The following ZDHHC14 variants were observed in gnomAD, a reference collection of about 807,000 sequenced individuals.
ZDHHC14 encodes the protein zDHHC palmitoyltransferase 14.
ZDHHC14 carries 16 observed loss-of-function variants against 47.7 expected under a neutral mutation model. The ratio of observed to expected loss-of-function variants is 0.34; its 90% CI spans 0.23 to 0.51. The LOEUF (loss-of-function observed/expected upper bound fraction) is 0.51. Among genes scored for constraint, ZDHHC14 ranks in the 20% least tolerant of loss-of-function variants. The pLI, the probability that ZDHHC14 is intolerant of heterozygous loss-of-function variation, is 0.97. For missense variants in ZDHHC14, 515 were observed against 662.5 expected (o/e 0.78, Z 2.44); for synonymous variants, 293 against 278.9 (o/e 1.05, Z -0.50).
chr6:157,476,098 T>C (rs572107037), intron 1 of ZDHHC14, among the ~76,000 whole-genome samples: 2 of 151,786 alleles, frequency 1.3e-5, no homozygotes, highest in South Asian at 4.2e-4. Context: ...AAAGAAATAA[T>C]AGAGATCACA....
intron 1 of ZDHHC14, among the ~76,000 whole-genome samples, chr6:157,525,022 A>G (rs980788140): frequency 1.1e-4 from 16 of 152,234 alleles, no homozygotes; most frequent in African/African-American, 3.9e-4. Flanking sequence ...GCTGCAATCA[A>G]GATATGGCTG....
chr6:157,557,542 T>C (rs1281950494), intron 2 of ZDHHC14, among the ~76,000 whole-genome samples: 1 of 152,172 alleles, frequency 6.6e-6, no homozygotes, highest in Non-Finnish European at 1.5e-5. Flanking sequence ...GTGTCCAGCA[T>C]GCGTTAGATG....
chr6:157,401,875 G>A (rs1583614302), intron 1 of ZDHHC14, among the ~76,000 whole-genome samples: 1 of 151,090 alleles, frequency 6.6e-6, no homozygotes, highest in African/African-American at 2.4e-5. Flanking sequence ...CACCTGCTGA[G>A]GTCTCAGCTG....
chr6:157,429,130 C>T (rs1028681626), intron 1 of ZDHHC14, among the ~76,000 whole-genome samples: 1 of 152,118 alleles, frequency 6.6e-6, no homozygotes, highest in African/African-American at 2.4e-5. Flanking sequence ...GAAAACATTT[C>T]TGGGGGACAG....
chr6:157,675,957 CA>C lies in ZDHHC14; in HGVS notation c.*2836del, dbSNP rs2077753472. 6.6e-6 allele frequency: 1 copy of C among 152,236 alleles called. No individual in the cohort carries two copies. Among genetic ancestry groups the C allele is most frequent in the South Asian group, 2.1e-4 (1 of 4,830 alleles). 9.4% of individuals were successfully genotyped at this position (152,236 alleles called of 1,614,324 possible). A position where few individuals can be genotyped will look rare whatever the true frequency, so the allele number is the denominator to read the frequency against. ...ACACTCATTCTGCTGTTTAAAAATT[CA>C]TCTGCGTTCGTTCTCCCAGGAGTGC... On this transcript the variant is annotated 3_prime_UTR_variant, in exon 9 of 9. Coordinates refer to ENST00000359775, the MANE Select transcript of ZDHHC14 (RefSeq NM_024630.3).
intron 3 of ZDHHC14, among the ~76,000 whole-genome samples, chr6:157,609,579 C>T (rs1784676939): frequency 6.6e-6 from 1 of 151,940 alleles, no homozygotes; most frequent in Non-Finnish European, 1.5e-5. Flanking sequence ...GTAGGTTGCT[C>T]GAGGGTCTTA....
At chr6:157,647,233 T>G in intron 6 of ZDHHC14, 26 bp from the exon 7 acceptor site, 1 of 1,563,134 alleles carries the variant, frequency 6.4e-7, no homozygotes, top group Non-Finnish European at 8.8e-7. Flanking sequence ...AGATATTGCT[T>G]GTTACTGACT....
intron 3 of ZDHHC14, among the ~76,000 whole-genome samples, chr6:157,596,308 C>T (rs1413718157): frequency 6.6e-6 from 1 of 152,044 alleles, no homozygotes; most frequent in Non-Finnish European, 1.5e-5. Flanking sequence ...ATTCTTTTTG[C>T]AGCAAGAGAA....
At chr6:157,434,420 G>A (rs17165326) in intron 1 of ZDHHC14, among the ~76,000 whole-genome samples, 2,222 of 152,000 alleles carry the variant, frequency 0.015, 50 homozygotes, top group African/African-American at 0.051. Context: ...CTCTGAGCCC[G>A]AACTGGACTG....
chr6:157,389,507 T>A (rs566143515), intron 1 of ZDHHC14, among the ~76,000 whole-genome samples: 1 of 152,342 alleles, frequency 6.6e-6, no homozygotes, highest in East Asian at 1.9e-4. Flanking sequence ...GTTGGGTGTA[T>A]CATCATGGTA....
chr6:157,456,928 C>G lies in ZDHHC14; in HGVS notation c.245+74662C>G, dbSNP rs1778932277. 2.0e-5 allele frequency among the ~76,000 whole-genome samples: 3 copies of G among 151,930 alleles called. No homozygotes were observed. The South Asian group carries it at 6.2e-4, about 32-fold the overall frequency. ...CTTCGGAAGGCCAAGGCGGGTGGAT[C>G]ACCTGATGTCAGGAGTTCGAGAGCA... On this transcript the variant is annotated intron_variant, in intron 1 of 8. Coordinates refer to ENST00000359775, the MANE Select transcript of ZDHHC14 (RefSeq NM_024630.3).
chr6:157,621,877 C>T (rs1425438982), intron 3 of ZDHHC14, among the ~76,000 whole-genome samples: 2 of 152,006 alleles, frequency 1.3e-5, no homozygotes, highest in African/African-American at 2.4e-5. Context: ...TGATCTCTTC[C>T]AGAAATTAAA....
chr6:157,451,244 A>G (rs1778796693), intron 1 of ZDHHC14, among the ~76,000 whole-genome samples: 1 of 152,232 alleles, frequency 6.6e-6, no homozygotes, highest in Non-Finnish European at 1.5e-5. Context: ...AATATCAGAA[A>G]TAATAACAAT....
At position 157,464,281 on chromosome 6, in the gene ZDHHC14, A is replaced by T. The variant is rs182924440; in HGVS notation, c.246-78304A>T. On this transcript the variant is annotated intron_variant, in intron 1 of 8. Transcript: ENST00000359775. ...TCCGTTTGCATGTATATTTTAATAC[A>T]CATACTTTGATAACCTTGTTCTTAA... Among the ~76,000 whole-genome samples the T allele has an allele frequency of 1.6e-4, 24 of 152,360 alleles. No individual in the cohort carries two copies. In the East Asian group the frequency reaches 4.4e-3, roughly 28 times the overall value.
At chr6:157,454,631 A>G (rs113667196) in intron 1 of ZDHHC14, among the ~76,000 whole-genome samples, 2,973 of 151,938 alleles carry the variant, frequency 0.02, 104 homozygotes, top group African/African-American at 0.068. Flanking sequence ...AGCCTCCCCA[A>G]GTGCTGGGAT....
chr6:157,558,374 C>G (rs572679891), intron 2 of ZDHHC14, among the ~76,000 whole-genome samples: 6 of 152,298 alleles, frequency 3.9e-5, no homozygotes, highest in Middle Eastern at 3.4e-3. Flanking sequence ...CTGCATTACA[C>G]AGGGAAACTG....
chr6:157,526,963 G>A lies in ZDHHC14; in HGVS notation c.246-15622G>A, dbSNP rs574229020. ...GTGGCCGGGAGCACTGAAGGACTTG[G>A]GGCAGCATCTTTAGCAGCTGGCCTC... On this transcript the variant is annotated intron_variant, in intron 1 of 8. Transcript: ENST00000359775. Among the ~76,000 whole-genome samples the A allele has an allele frequency of 3.7e-3, 558 of 152,278 alleles. 1 individual carries two copies. Among genetic ancestry groups the A allele is most frequent in the Non-Finnish European group, 6.0e-3 (408 of 68,010 alleles).
At chr6:157,612,617 T>C (rs34634657) in intron 3 of ZDHHC14, among the ~76,000 whole-genome samples, 95,559 of 152,006 alleles carry the variant, frequency 0.63, 30,505 homozygotes, top group South Asian at 0.78. Flanking sequence ...TGGGGATGTG[T>C]GGACTCGAGT....
In ZDHHC14 at chr6:157,421,582, A is replaced by T. The variant is rs191791827; in HGVS notation, c.245+39316A>T. On this transcript the variant is annotated intron_variant, in intron 1 of 8. Coordinates refer to ENST00000359775, the MANE Select transcript of ZDHHC14 (RefSeq NM_024630.3). ...CTTAATGGAAAAGCACTAAAAGAAT[A>T]GTAACAACTAACATTTGGATTGTGT... 8.7e-4 allele frequency among the ~76,000 whole-genome samples: 131 copies of T among 151,262 alleles called. No individual in the cohort carries two copies. In the Middle Eastern group the frequency reaches 0.028, roughly 32 times the overall value.
Sources: gnomAD v4.1 joint callset for allele counts (sites outside exome capture counted in the v4.1 genomes callset) on GRCh38, gnomAD v4.1.1 for gene constraint, MANE v1.5 for transcripts, NCBI Gene and HGNC (gene_info 2026-07-23, HGNC 2026-07-21) for gene names.